The following ANKRD46 variants were observed in gnomAD, a reference collection of about 807,000 sequenced individuals.
ANKRD46 encodes ankyrin repeat domain-containing protein 46.
Under a neutral mutation model 19.8 loss-of-function variants are expected in ANKRD46, and 13 were observed. That is an observed-to-expected ratio of 0.66 (90% CI 0.43 to 1.04). The LOEUF (loss-of-function observed/expected upper bound fraction) is 1.04, where lower values mean the gene tolerates loss of function less well. Among genes scored for constraint, ANKRD46 ranks in the 50% least tolerant of loss-of-function variants. The pLI, the probability that ANKRD46 is intolerant of heterozygous loss-of-function variation, is 0.00. For missense variants in ANKRD46, 185 were observed against 274.8 expected, an observed-to-expected ratio of 0.67 and a Z score of 2.31; for synonymous variants, 91 against 106.9, an observed-to-expected ratio of 0.85 and a Z score of 0.92.
At chr8:100,523,499 G>A (rs1811776052) in intron 4 of ANKRD46, among the ~76,000 whole-genome samples, 1 of 152,048 alleles carries the variant, frequency 6.6e-6, no homozygotes, top group South Asian at 2.1e-4. Context: ...TACAGTGTGT[G>A]TGAATCTTGA....
Position 100,522,051 on chromosome 8 carries a change from C to T in ANKRD46, c.*504G>A. The T allele has an allele frequency of 2.0e-6, 2 of 986,120 alleles. No individual in the cohort carries two copies. The highest frequency in any genetic ancestry group is 2.4e-6 in the Non-Finnish European group (2 of 830,320). The allele number at this position is 986,120 out of a possible 1,614,324, so 61.1% of individuals were successfully genotyped here. A position where few individuals can be genotyped will look rare whatever the true frequency, so the allele number is the denominator to read the frequency against. On this transcript the variant is annotated 3_prime_UTR_variant, in exon 5 of 5. Coordinates refer to ENST00000335659, the MANE Select transcript of ANKRD46 (RefSeq NM_001270377.2). ...ATAAGCCAAATAGATGCTAACAATACTAATTTGCACACAAGATTTGAAAAA... is the reference window on the plus strand; with the variant it reads ...ATAAGCCAAATAGATGCTAACAATATTAATTTGCACACAAGATTTGAAAAA...
At chr8:100,556,177 C>T (rs1050072233) in intron 1 of ANKRD46, among the ~76,000 whole-genome samples, 2 of 152,166 alleles carry the variant, frequency 1.3e-5, no homozygotes, top group Non-Finnish European at 2.9e-5. Flanking sequence ...TGTGCTAGCA[C>T]GCCCAACTAA....
chr8:100,516,607 T>C (rs1053433166), downstream of ANKRD46, among the ~76,000 whole-genome samples: 28 of 152,214 alleles, frequency 1.8e-4, no homozygotes, highest in Admixed American at 1.8e-3. Flanking sequence ...AATGAGGTTC[T>C]AGTAATCATC....
At chr8:100,539,149 T>C (rs1260763331) in intron 1 of ANKRD46, among the ~76,000 whole-genome samples, 1 of 152,232 alleles carries the variant, frequency 6.6e-6, no homozygotes, top group Non-Finnish European at 1.5e-5. Flanking sequence ...GATTCTGGTT[T>C]ATGGTTCATC....
intron 1 of ANKRD46, chr8:100,554,512 G>A (rs1563494136): frequency 6.6e-6 from 1 of 152,132 alleles, no homozygotes; most frequent in Non-Finnish European, 1.5e-5. Context: ...TGAGCCTAAG[G>A]ATTCCAGACC....
Position 100,527,969 on chromosome 8 carries a change from T to C in ANKRD46, c.346A>G (p.Lys116Glu). The change falls in exon 4 of 5, where the codon AAG becomes GAG. Residue 116 changes from lysine to glutamate, a missense_variant. Lys to Glu is a moderately conservative substitution (Grantham distance 56, BLOSUM62 1). Transcript: ENST00000335659. The surrounding 1 kb of genome is among the most constrained non-coding windows in gnomAD (Gnocchi z 4.0). ...HQGATPLVLA[K>E]RRGVNKDVIR... is the part of the protein sequence containing the mutation. ...ACATCTTTATTTACTCCTCTGCGCT[T>C]TGCCAGAACTAAAGGGGTAGCACCT... The C allele has an allele frequency of 1.2e-6, 2 of 1,609,822 alleles. No individual in the cohort carries two copies. Among genetic ancestry groups the C allele is most frequent in the Non-Finnish European group, 1.7e-6 (2 of 1,178,404 alleles).
intron 5 of ANKRD46, among the ~76,000 whole-genome samples, chr8:100,514,307 G>C (rs549584718): frequency 3.7e-4 from 57 of 152,138 alleles, no homozygotes; most frequent in Non-Finnish European, 6.9e-4. Flanking sequence ...TTGCCAAGAT[G>C]TATCTATCCA....
rs148685411 is a variant in ANKRD46 at position 100,535,419 on chromosome 8, A to G, written c.-130-2108T>C. On this transcript the variant is annotated intron_variant, in intron 1 of 4. Transcript: ENST00000335659. ...TGCACCCTTTATCCAGTTTCCCCCA[A>G]TGGTAACATCTTGCCAAACTATAGT... is the stretch of plus-strand genomic sequence containing the variant. 6.6e-5 allele frequency among the ~76,000 whole-genome samples: 10 copies of G among 152,360 alleles called. No homozygotes were observed. The East Asian group carries it at 1.9e-3, about 29-fold the overall frequency.
chr8:100,512,813 C>T (rs1443205137), intron 5 of ANKRD46, among the ~76,000 whole-genome samples: 1 of 152,194 alleles, frequency 6.6e-6, no homozygotes, highest in East Asian at 1.9e-4. Flanking sequence ...TTGAGTGTCA[C>T]AGGATGTGCA....
intron 3 of ANKRD46, among the ~76,000 whole-genome samples, chr8:100,528,891 C>T (rs1336011387): frequency 2.0e-5 from 3 of 152,124 alleles, no homozygotes; most frequent in African/African-American, 2.4e-5. Context: ...TGACATCGTT[C>T]CCACTCAAAA....
At chr8:100,538,410 C>A (rs1310989916) in intron 1 of ANKRD46, among the ~76,000 whole-genome samples, 3 of 152,148 alleles carry the variant, frequency 2.0e-5, no homozygotes, top group Non-Finnish European at 4.4e-5. Context: ...ACAACTACTT[C>A]CATAGCATTT....
At chr8:100,515,903 C>T (rs1166787501), downstream of ANKRD46, among the ~76,000 whole-genome samples, 3 of 150,468 alleles carry the variant, frequency 2.0e-5, no homozygotes, top group South Asian at 2.1e-4. Context: ...TGGAGTTTCA[C>T]TCCTGTTGCC....
rs971419533 is a variant in ANKRD46, at chr8:100,544,633, C to T, written c.-130-11322G>A. ...AACGTTTGTATCTTAGGTCCTAACTCGGCCATTTTCTAAGGCACTATCTTG... is the reference window on the plus strand; with the variant it reads ...AACGTTTGTATCTTAGGTCCTAACTTGGCCATTTTCTAAGGCACTATCTTG... On this transcript the variant is annotated intron_variant, in intron 1 of 4. Transcript: ENST00000335659. The surrounding 1 kb of genome is among the most constrained non-coding windows in gnomAD (Gnocchi z 4.4). Among the ~76,000 whole-genome samples, 1 of 152,154 alleles carries T rather than the reference C, an allele frequency of 6.6e-6. No homozygotes were observed. The highest frequency in any genetic ancestry group is 1.5e-5 in the Non-Finnish European group (1 of 68,010).
rs557554163 is a variant in ANKRD46 at position 100,545,193 on chromosome 8, C to T, written c.-130-11882G>A. Among the ~76,000 whole-genome samples, 17 of 152,168 alleles carry T rather than the reference C, an allele frequency of 1.1e-4. No individual in the cohort carries two copies. Among genetic ancestry groups the T allele is most frequent in the African/African-American group, 3.6e-4 (15 of 41,528 alleles). ...CATATATAAAAGTTAGGTGTGGTGA[C>T]GTGCACCTGTAGTCCCAGCTACTCG... On this transcript the variant is annotated intron_variant, in intron 1 of 4. Coordinates refer to ENST00000335659, the MANE Select transcript of ANKRD46 (RefSeq NM_001270377.2). This position sits in a 1 kb window ranked among gnomAD's most constrained non-coding sequence, Gnocchi z 4.7.
rs977978708 is a variant in ANKRD46 at position 100,511,409 on chromosome 8, C to T, written c.637-770G>A. On this transcript the variant is annotated intron_variant, in intron 5 of 5. Coordinates refer to the ANKRD46 transcript ENST00000520552. This position sits in a 1 kb window ranked among gnomAD's most constrained non-coding sequence, Gnocchi z 4.1. Reference sequence around the variant, plus strand: ...GTGTCTTGTTTATTTTCTTATGTATCTGGTAAATGGTGAGGTAGACACCAA... The same window carrying T: ...GTGTCTTGTTTATTTTCTTATGTATTTGGTAAATGGTGAGGTAGACACCAA... Among the ~76,000 whole-genome samples the T allele has an allele frequency of 1.3e-5, 2 of 151,860 alleles. No individual in the cohort carries two copies. The highest frequency in any genetic ancestry group is 2.9e-5 in the Non-Finnish European group (2 of 67,996).
Position 100,534,817 on chromosome 8 carries a change from C to T in ANKRD46, c.-130-1506G>A, listed in dbSNP as rs931206070. On this transcript the variant is annotated intron_variant, in intron 1 of 4. Coordinates refer to ENST00000335659, the MANE Select transcript of ANKRD46 (RefSeq NM_001270377.2). This position sits in a 1 kb window ranked among gnomAD's most constrained non-coding sequence, Gnocchi z 4.2. ...CAGAGTCTCACTCTGTCGCTGGTGC[C>T]GGAGTGCAGTGGTGCAATCTCGACT... 4.6e-5 allele frequency among the ~76,000 whole-genome samples: 7 copies of T among 152,104 alleles called. No homozygotes were observed. The highest frequency in any genetic ancestry group is 2.1e-4 in the South Asian group (1 of 4,828).
chr8:100,550,860 C>T lies in ANKRD46; in HGVS notation c.-131+8851G>A. 1 of 497,450 alleles carries T rather than the reference C, an allele frequency of 2.0e-6. No individual in the cohort carries two copies. Among genetic ancestry groups the T allele is most frequent in the Non-Finnish European group, 3.8e-6 (1 of 262,210 alleles). The allele number at this position is 497,450 out of a possible 1,614,324, so 30.8% of individuals were successfully genotyped here. A position where few individuals can be genotyped will look rare whatever the true frequency, so the allele number is the denominator to read the frequency against. ...ATCGAAAGTGGAAGAGTGAGTGTCACTGTTAAAGTCAGAGGAAACAACCTG... is the reference window on the plus strand; with the variant it reads ...ATCGAAAGTGGAAGAGTGAGTGTCATTGTTAAAGTCAGAGGAAACAACCTG... On this transcript the variant is annotated intron_variant, in intron 1 of 4. Transcript: ENST00000335659. The surrounding 1 kb of genome is among the most constrained non-coding windows in gnomAD (Gnocchi z 4.4).
rs1488947665 is a variant in ANKRD46 at position 100,550,352 on chromosome 8, T to C, written c.-131+9359A>G. ...TGTTGTCAGCGTTCTAGATTTTAGT[T>C]AGCCATTTTAGTAAGTGTGTAGTGG... On this transcript the variant is annotated intron_variant, in intron 1 of 4. Coordinates refer to ENST00000335659, the MANE Select transcript of ANKRD46 (RefSeq NM_001270377.2). This position sits in a 1 kb window ranked among gnomAD's most constrained non-coding sequence, Gnocchi z 4.4. 6.6e-6 allele frequency among the ~76,000 whole-genome samples: 1 copy of C among 152,218 alleles called. No individual in the cohort carries two copies. Among genetic ancestry groups the C allele is most frequent in the Non-Finnish European group, 1.5e-5 (1 of 68,024 alleles).
At chr8:100,558,684 T>C (rs1454660986) in intron 1 of ANKRD46, among the ~76,000 whole-genome samples, 2 of 152,138 alleles carry the variant, frequency 1.3e-5, no homozygotes, top group Admixed American at 6.5e-5. Flanking sequence ...TAGACAGCGC[T>C]ACATGTTTGG....
Sources: allele counts gnomAD v4.1 joint callset (sites outside exome capture counted in the v4.1 genomes callset), GRCh38; gene constraint gnomAD v4.1.1; non-coding constraint Gnocchi (gnomAD v3.1); transcripts MANE v1.5; gene names NCBI Gene and HGNC (gene_info 2026-07-23, HGNC 2026-07-21).